The following CCDC146 variants were observed in gnomAD, a reference collection of about 807,000 sequenced individuals.
The protein encoded by CCDC146 is coiled-coil domain containing 146.
In CCDC146, 92 loss-of-function variants were observed where a neutral mutation model predicts 119.3. The observed-to-expected ratio is 0.77, with a 90% CI of 0.65 to 0.92. CCDC146 has a LOEUF of 0.92. CCDC146 is among the 40% of genes least tolerant of loss of function. The pLI is 0.00. For missense variants in CCDC146, 1,000 were observed against 1,103.0 expected, an observed-to-expected ratio of 0.91 and a Z score of 1.32; for synonymous variants, 372 against 371.8, an observed-to-expected ratio of 1.00 and a Z score of -0.01.
intron 5 of CCDC146, chr7:77,255,526 A>G (rs767512783): frequency 8.5e-5 from 13 of 152,234 alleles, no homozygotes; most frequent in Non-Finnish European, 1.6e-4. Context: ...ATGCCAAACC[A>G]TCATTTACAA....
At chr7:77,197,122 T>G (rs1257355065) in intron 2 of CCDC146, 1 of 622,712 alleles carries the variant, frequency 1.6e-6, no homozygotes, top group African/African-American at 1.8e-5. Context: ...TACTTGAACC[T>G]GTTTAGCAAA....
intron 2 of CCDC146, chr7:77,199,247 C>A (rs1188181698): frequency 3.1e-6 from 5 of 1,614,018 alleles, no homozygotes; most frequent in Non-Finnish European, 4.2e-6. Flanking sequence ...CTATTGACAA[C>A]AAATGTTAGA....
At chr7:77,279,944 CG>C (rs1221035248) in intron 13 of CCDC146, among the ~76,000 whole-genome samples, 4 of 152,060 alleles carry the variant, frequency 2.6e-5, no homozygotes, top group Non-Finnish European at 5.9e-5. Flanking sequence ...TTTCAGGGGT[CG>C]GGGGTGGATG....
chr7:77,142,943 C>T (rs1790958632), intron 1 of CCDC146, among the ~76,000 whole-genome samples: 1 of 151,810 alleles, frequency 6.6e-6, no homozygotes, highest in African/African-American at 2.4e-5. Context: ...AATGGGATGG[C>T]TGGGTCAAAT....
intron 1 of CCDC146, among the ~76,000 whole-genome samples, chr7:77,142,340 T>A (rs965175540): frequency 1.4e-5 from 2 of 144,552 alleles, no homozygotes; most frequent in Non-Finnish European, 3.0e-5. Flanking sequence ...ATTTATTTAT[T>A]TATATTATAC....
At chr7:77,154,393 G>C (rs545141351) in intron 1 of CCDC146, among the ~76,000 whole-genome samples, 1 of 151,856 alleles carries the variant, frequency 6.6e-6, no homozygotes, top group South Asian at 2.1e-4. Flanking sequence ...TTCCATGTTG[G>C]TGTGCTGCAC....
chr7:77,241,167 C>T (rs1306862811), intron 3 of CCDC146, among the ~76,000 whole-genome samples: 1 of 150,238 alleles, frequency 6.7e-6, no homozygotes, highest in Non-Finnish European at 1.5e-5. Context: ...ACGCCATTCT[C>T]CTGCCTCAGC....
chr7:77,169,160 A>G (rs1396722628), intron 2 of CCDC146, among the ~76,000 whole-genome samples: 3 of 151,434 alleles, frequency 2.0e-5, no homozygotes, highest in African/African-American at 7.3e-5. Flanking sequence ...TTATTTTGTG[A>G]TTTTCTTTCA....
chr7:77,230,459 A>T (rs1392516948), intron 2 of CCDC146, among the ~76,000 whole-genome samples: 1 of 151,290 alleles, frequency 6.6e-6, no homozygotes, highest in Non-Finnish European at 1.5e-5. Flanking sequence ...TTTGAAAGAT[A>T]TTTTTGATGG....
chr7:77,271,520 A>T (rs2008496), intron 9 of CCDC146, among the ~76,000 whole-genome samples: 83 of 656 alleles, frequency 0.13, no homozygotes, highest in Middle Eastern at 0.5. Context: ...GGAGATATAT[A>T]TATATATATA....
intron 2 of CCDC146, among the ~76,000 whole-genome samples, chr7:77,211,626 T>C (rs949326207): frequency 6.6e-6 from 1 of 152,046 alleles, no homozygotes; most frequent in African/African-American, 2.4e-5. Context: ...TATTTATTTA[T>C]TTATTTTGAG....
chr7:77,233,387 C>T (rs1269786533), intron 2 of CCDC146, among the ~76,000 whole-genome samples: 9 of 152,104 alleles, frequency 5.9e-5, no homozygotes, highest in East Asian at 5.8e-4. Flanking sequence ...CCACAGTGCC[C>T]GGCCAAATCA....
chr7:77,156,195 G>T (rs1791177123), intron 1 of CCDC146, among the ~76,000 whole-genome samples: 1 of 152,164 alleles, frequency 6.6e-6, no homozygotes, highest in Non-Finnish European at 1.5e-5. Context: ...TGTTTAACAT[G>T]TCTGAACATT....
chr7:77,207,546 G>A (rs538710853), intron 2 of CCDC146, among the ~76,000 whole-genome samples: 1 of 152,128 alleles, frequency 6.6e-6, no homozygotes, highest in South Asian at 2.1e-4. Context: ...GACACAAATT[G>A]TGTCAGTCAT....
chr7:77,294,297 A>T (rs1373102639), intron 18 of CCDC146, among the ~76,000 whole-genome samples: 2 of 152,222 alleles, frequency 1.3e-5, no homozygotes, highest in Admixed American at 1.3e-4. Context: ...CCCACAAAGC[A>T]GTCTTTGAAA....
intron 3 of CCDC146, 79 bp from the exon 4 acceptor site, chr7:77,241,612 A>T: frequency 8.3e-7 from 1 of 1,206,546 alleles, no homozygotes; most frequent in South Asian, 1.3e-5. Context: ...GGGAGCAGCT[A>T]TCCTCACTAG....
At chr7:77,267,981 G>A (rs974944210) in intron 9 of CCDC146, among the ~76,000 whole-genome samples, 1 of 152,210 alleles carries the variant, frequency 6.6e-6, no homozygotes, top group Non-Finnish European at 1.5e-5. Context: ...ATTGCAGCAA[G>A]GGAGAACACA....
chr7:77,256,512 G>A lies in CCDC146; in HGVS notation c.684+3G>A. ...TGGGACATCAGGTCGTCCTAAAGGT[G>A]TGCTACTTACCGTTGATATTTAAAC... is the stretch of plus-strand genomic sequence containing the variant. On this transcript the variant is annotated splice_donor_region_variant and intron_variant, in intron 6 of 18. Transcript: ENST00000285871. The A allele has an allele frequency of 6.3e-7, 1 of 1,596,040 alleles. No individual in the cohort carries two copies. The highest frequency in any genetic ancestry group is 8.5e-7 in the Non-Finnish European group (1 of 1,174,692).
chr7:77,189,501 G>A (rs924814623), intron 2 of CCDC146, among the ~76,000 whole-genome samples: 17 of 152,156 alleles, frequency 1.1e-4, no homozygotes, highest in South Asian at 2.1e-4. Flanking sequence ...CTACAAAAGC[G>A]ACCCCTTTAA....
Sources: gnomAD v4.1 joint callset for allele counts (sites outside exome capture counted in the v4.1 genomes callset) on GRCh38, gnomAD v4.1.1 for gene constraint, MANE v1.5 for transcripts, NCBI Gene and HGNC (gene_info 2026-07-23, HGNC 2026-07-21) for gene names.